Variants in SEMA3A observed in about 807,000 individuals in gnomAD.
SEMA3A encodes the protein semaphorin-3A.
Under a neutral mutation model 97.9 loss-of-function variants are expected in SEMA3A, and 29 were observed. The ratio of observed to expected loss-of-function variants is 0.30; its 90% CI spans 0.22 to 0.40. The LOEUF (loss-of-function observed/expected upper bound fraction) is 0.40. Among genes scored for constraint, SEMA3A ranks in the 10% least tolerant of loss-of-function variants. The probability of loss-of-function intolerance (pLI) is 1.00; values close to 1 mark genes in which losing one functional copy is unlikely to be tolerated. For missense variants in SEMA3A, 763 were observed against 951.3 expected (o/e 0.80, Z 2.60); for synonymous variants, 321 against 323.7 (o/e 0.99, Z 0.09).
chr7:84,009,905 C>CAAAAAAAAAAAAAAAAA (rs3074687), intron 9 of SEMA3A, among the ~76,000 whole-genome samples: 1 of 91,708 alleles, frequency 1.1e-5, no homozygotes, highest in Non-Finnish European at 2.1e-5. Flanking sequence ...ACACTGGTTA[C>CAAAAAAAAAAAAAAAAA]AAAAAAAAAA....
chr7:84,023,573 C>T (rs756862694), intron 6 of SEMA3A, among the ~76,000 whole-genome samples: 1 of 152,154 alleles, frequency 6.6e-6, no homozygotes, highest in Non-Finnish European at 1.5e-5. Flanking sequence ...ACGAACCACT[C>T]AGCCAATCCT....
intron 3 of SEMA3A, among the ~76,000 whole-genome samples, chr7:84,254,676 T>G: frequency 6.6e-6 from 1 of 152,154 alleles, no homozygotes; most frequent in Non-Finnish European, 1.5e-5. Context: ...ATATTTTAAC[T>G]GCTAATTGGC....
intron 3 of SEMA3A, among the ~76,000 whole-genome samples, chr7:84,275,940 T>C (rs1800282596): frequency 6.6e-6 from 1 of 152,092 alleles, no homozygotes; most frequent in Non-Finnish European, 1.5e-5. Context: ...TTTAAAATTA[T>C]TTACATGGCT....
chr7:84,001,438 A>G lies in SEMA3A; in HGVS notation c.1452+517T>C, dbSNP rs150463186. ...TTAAGCATGTAGACTAGGAATCTAT[A>G]ACAAATTTACTGTCAGTGATACAAA... On this transcript the variant is annotated intron_variant, in intron 12 of 16. Coordinates refer to ENST00000265362, the MANE Select transcript of SEMA3A (RefSeq NM_006080.3). 1.4e-4 allele frequency among the ~76,000 whole-genome samples: 21 copies of G among 152,130 alleles called. No individual in the cohort carries two copies. In the East Asian group the frequency reaches 3.7e-3, roughly 27 times the overall value.
intron 1 of SEMA3A, among the ~76,000 whole-genome samples, chr7:84,412,826 C>T (rs1250681484): frequency 1.3e-5 from 2 of 152,064 alleles, no homozygotes; most frequent in Non-Finnish European, 2.9e-5. Context: ...ACACTTCTCC[C>T]AGCTATAGTT....
At chr7:84,151,733 G>C (rs528155714) in intron 1 of SEMA3A, among the ~76,000 whole-genome samples, 1 of 152,154 alleles carries the variant, frequency 6.6e-6, no homozygotes, top group South Asian at 2.1e-4. Flanking sequence ...CACAGCAAAA[G>C]AAACTACCAT....
intron 2 of SEMA3A, among the ~76,000 whole-genome samples, chr7:84,321,854 C>T (rs1437551865): frequency 4.5e-5 from 5 of 111,738 alleles, no homozygotes; most frequent in Admixed American, 1.2e-4. Flanking sequence ...CCAGCCTGGC[C>T]GACAGAGCGA....
intron 2 of SEMA3A, among the ~76,000 whole-genome samples, chr7:84,354,491 G>A (rs965430590): frequency 1.1e-4 from 16 of 151,378 alleles, no homozygotes; most frequent in African/African-American, 3.4e-4. Context: ...TAAGTTGCAA[G>A]CATTTTGAAT....
chr7:84,297,574 A>G (rs1043104130), intron 3 of SEMA3A, among the ~76,000 whole-genome samples: 2 of 152,132 alleles, frequency 1.3e-5, no homozygotes, highest in African/African-American at 2.4e-5. Context: ...CAAAATAACT[A>G]ATCTACATAG....
At chr7:84,231,332 G>A (rs1396589843) in intron 3 of SEMA3A, among the ~76,000 whole-genome samples, 1 of 151,964 alleles carries the variant, frequency 6.6e-6, no homozygotes, top group East Asian at 1.9e-4. Flanking sequence ...AATAAGTGTA[G>A]GAGGGAGAAG....
chr7:84,292,903 T>G (rs956896144), intron 3 of SEMA3A, among the ~76,000 whole-genome samples: 2 of 152,102 alleles, frequency 1.3e-5, no homozygotes, highest in Non-Finnish European at 1.5e-5. Flanking sequence ...CTCTGAAAGT[T>G]TTTCATGTTG....
intron 2 of SEMA3A, among the ~76,000 whole-genome samples, chr7:84,337,149 T>G (rs1802055778): frequency 6.6e-6 from 1 of 152,176 alleles, no homozygotes; most frequent in Non-Finnish European, 1.5e-5. Flanking sequence ...GATATGAGGA[T>G]TAACATGAAG....
intron 2 of SEMA3A, among the ~76,000 whole-genome samples, chr7:84,130,514 C>T (rs1231545002): frequency 6.6e-6 from 1 of 151,972 alleles, no homozygotes; most frequent in East Asian, 1.9e-4. Context: ...TCACATTTGC[C>T]TGCATATGTA....
At chr7:84,307,055 A>C (rs1033672548) in intron 3 of SEMA3A, among the ~76,000 whole-genome samples, 18 of 152,074 alleles carry the variant, frequency 1.2e-4, no homozygotes, top group African/African-American at 4.3e-4. Context: ...TACCCAAATA[A>C]TTCTACAGAA....
chr7:84,267,316 C>G (rs1054340342), intron 3 of SEMA3A, among the ~76,000 whole-genome samples: 1 of 152,086 alleles, frequency 6.6e-6, no homozygotes, highest in African/African-American at 2.4e-5. Context: ...GACTCTCTTA[C>G]CCTTATCCAT....
At chr7:84,141,110 T>C (rs913690934) in intron 1 of SEMA3A, among the ~76,000 whole-genome samples, 6 of 152,178 alleles carry the variant, frequency 3.9e-5, no homozygotes, top group Non-Finnish European at 8.8e-5. Context: ...TGAATTCTAC[T>C]CCTACTATTT....
At chr7:84,125,011 G>A (rs566471661) in intron 3 of SEMA3A, among the ~76,000 whole-genome samples, 1 of 152,042 alleles carries the variant, frequency 6.6e-6, no homozygotes, top group Admixed American at 6.6e-5. Context: ...TTTTAACATT[G>A]AGTAGAGCTG....
At chr7:84,433,925 GT>G (rs907549281) in intron 1 of SEMA3A, among the ~76,000 whole-genome samples, 2 of 151,510 alleles carry the variant, frequency 1.3e-5, no homozygotes, top group African/African-American at 4.8e-5. Flanking sequence ...ATGGGTTTGT[GT>G]TTTTTTTGTA....
intron 2 of SEMA3A, among the ~76,000 whole-genome samples, chr7:84,312,909 T>TAC (rs1801371254): frequency 1.9e-5 from 1 of 51,672 alleles, no homozygotes; most frequent in Non-Finnish European, 5.5e-5. Context: ...TATATATATA[T>TAC]ATATATATAT....
Sources: gnomAD v4.1 joint callset for allele counts (sites outside exome capture counted in the v4.1 genomes callset) on GRCh38, gnomAD v4.1.1 for gene constraint, MANE v1.5 for transcripts, NCBI Gene and HGNC (gene_info 2026-07-23, HGNC 2026-07-21) for gene names.